RARS2: variants seen among roughly 807,000 people sequenced by gnomAD.
RARS2 encodes arginyl-tRNA synthetase 2, mitochondrial.
A neutral mutation model predicts 88.5 loss-of-function variants in RARS2; 67 were observed. The ratio of observed to expected loss-of-function variants is 0.76; its 90% CI spans 0.62 to 0.93. The LOEUF is 0.93. Ranked by LOEUF, RARS2 falls within the 40% of genes least tolerant of loss-of-function variation. The pLI is 0.00. For missense variants in RARS2, 664 were observed against 684.2 expected (o/e 0.97, Z 0.33); for synonymous variants, 239 against 230.3 (o/e 1.04, Z -0.34).
chr6:87,581,937 C>G (rs1026165725), intron 1 of RARS2, among the ~76,000 whole-genome samples: 5 of 152,154 alleles, frequency 3.3e-5, no homozygotes, highest in African/African-American at 1.2e-4. Flanking sequence ...TGATCTCGTT[C>G]CTTTTTACGG....
At chr6:87,515,496 G>A (rs1460239098) in intron 18 of RARS2, among the ~76,000 whole-genome samples, 1 of 151,262 alleles carries the variant, frequency 6.6e-6, no homozygotes, top group African/African-American at 2.4e-5. Context: ...CTCCAGCCTG[G>A]GCAAGAGTGC....
chr6:87,535,670 T>C (rs1778890123), intron 8 of RARS2, among the ~76,000 whole-genome samples: 1 of 137,972 alleles, frequency 7.2e-6, no homozygotes, highest in Non-Finnish European at 1.5e-5. Flanking sequence ...ATTATGTAAC[T>C]GTTTTGTTTT....
chr6:87,562,311 A>G (rs955912455), intron 4 of RARS2, among the ~76,000 whole-genome samples: 5 of 152,174 alleles, frequency 3.3e-5, no homozygotes, highest in Admixed American at 3.3e-4. Flanking sequence ...ACAGCATGTC[A>G]CTGTACTGAA....
At chr6:87,542,066 A>G (rs1781173952) in intron 7 of RARS2, 72 bp from the exon 8 acceptor site, 7 of 1,201,692 alleles carry the variant, frequency 5.8e-6, no homozygotes, top group African/African-American at 1.5e-5. Context: ...GGGAATAGGT[A>G]TAATTCTATA....
chr6:87,545,050 G>A (rs957959647), intron 7 of RARS2, among the ~76,000 whole-genome samples: 5 of 152,072 alleles, frequency 3.3e-5, no homozygotes, highest in African/African-American at 1.2e-4. Flanking sequence ...ACTAATAAAA[G>A]TAGGCAATTT....
Position 87,518,714 on chromosome 6 carries a change from T to G in RARS2, c.1331A>C (p.Asp444Ala), listed in dbSNP as rs1772676308. 7 of 1,614,028 alleles carry G rather than the reference T, an allele frequency of 4.3e-6. No individual in the cohort carries two copies. The highest frequency in any genetic ancestry group is 5.9e-6 in the Non-Finnish European group (7 of 1,179,934). ...AACACGATCCCAGCTGAACTTGTAG[T>G]CAGATAAGAGTAAACCTTTGAAGTC... ...IQDFKGLLLS[D>A]YKFSWDRVFQ... The change falls in exon 16 of 20, where the codon GAC becomes GCC. Residue 444 changes from aspartate (D) to alanine (A), a missense_variant. Transcript: ENST00000369536.
chr6:87,520,375 A>G (rs1309711221), intron 12 of RARS2, 119 bp from the exon 13 acceptor site: 1 of 773,132 alleles, frequency 1.3e-6, no homozygotes, highest in Non-Finnish European at 2.2e-6. Context: ...GTCAATTGAT[A>G]TGTTTTAACT....
chr6:87,548,534 C>CTAT, intron 6 of RARS2, 57 bp downstream of exon 6: 1 of 1,519,734 alleles, frequency 6.6e-7, no homozygotes, highest in East Asian at 2.3e-5. Context: ...TTAAATTGAA[C>CTAT]TATCAAATAC....
chr6:87,555,210 C>T (rs1312804349), intron 5 of RARS2, among the ~76,000 whole-genome samples, 198 bp downstream of exon 5: 5 of 151,806 alleles, frequency 3.3e-5, no homozygotes, highest in African/African-American at 9.7e-5. Flanking sequence ...AATTATTAGA[C>T]ATTTTTGGAG....
At position 87,530,852 on chromosome 6, in the gene RARS2, C is replaced by T. The variant is rs35862137; in HGVS notation, c.703G>A (p.Val235Met). ...TTTTGCCACAGTGAAAGTGCTTGCA[C>T]ATCGCCCAGTTCCAATCGTTGGAAG... Reference protein sequence around the residue: ...EFFQRLELGDVQALSLWQKFR... With the variant: ...EFFQRLELGDMQALSLWQKFR... Residue 235 changes from valine to methionine, a missense_variant, in exon 9 of 20, where the codon GTG (valine) becomes ATG (methionine). Physicochemically the swap from Val to Met is conservative, Grantham distance 21. Coordinates refer to ENST00000369536, the MANE Select transcript of RARS2 (RefSeq NM_020320.5). The T allele has an allele frequency of 0.042, 67,703 of 1,614,188 alleles. 1,695 individuals are homozygous for T. The highest frequency in any genetic ancestry group is 0.048 in the Non-Finnish European group (56,219 of 1,180,020).
chr6:87,564,554 A>C (rs1767259560), intron 2 of RARS2: 1 of 373,504 alleles, frequency 2.7e-6, no homozygotes, highest in South Asian at 2.2e-5. Flanking sequence ...CTACAATCCC[A>C]GCTGCTTGGG....
At chr6:87,517,006 C>T (rs1771982950) in intron 17 of RARS2, 126 bp from the exon 18 acceptor site, 1 of 1,396,154 alleles carries the variant, frequency 7.2e-7, no homozygotes, top group Non-Finnish European at 9.7e-7. Context: ...TGGCCAGGCG[C>T]AGTGTCTCAC....
chr6:87,569,058 G>A (rs950704928), intron 2 of RARS2, among the ~76,000 whole-genome samples: 4 of 152,034 alleles, frequency 2.6e-5, no homozygotes, highest in Non-Finnish European at 4.4e-5. Context: ...TTCTATCACT[G>A]GGAGTACTCA....
At position 87,529,712 on chromosome 6, in the gene RARS2, G is replaced by T. The variant is rs145155590; in HGVS notation, c.772-64C>A. ...ATTGAATCTCCTATTCTTACCCTAA[G>T]GCAAAATTAAGGATGCTCTACCACC... On this transcript the variant is annotated intron_variant, in intron 9 of 19. Transcript: ENST00000369536. 4.2e-4 allele frequency: 494 copies of T among 1,175,732 alleles called. No individual in the cohort carries two copies. In the African/African-American group the frequency reaches 6.8e-3, roughly 16 times the overall value. The allele number at this position is 1,175,732 out of a possible 1,614,324, so 72.8% of individuals were successfully genotyped here. A position where few individuals can be genotyped will look rare whatever the true frequency, so the allele number is the denominator to read the frequency against.
rs189296981 is a variant in RARS2, at chr6:87,550,695, T to G, written c.396-2049A>C. On this transcript the variant is annotated intron_variant, in intron 5 of 19. Coordinates refer to ENST00000369536, the MANE Select transcript of RARS2 (RefSeq NM_020320.5). ...AGTATTGTATGTACTTATCCCTCAA[T>G]GAAGCCGATTTAAGAAAAAAAAAAA... Among the ~76,000 whole-genome samples the G allele has an allele frequency of 2.6e-3, 350 of 133,254 alleles. 2 individuals are homozygous for G. Among genetic ancestry groups the G allele is most frequent in the Non-Finnish European group, 4.3e-3 (280 of 64,674 alleles). 87.4% of individuals were successfully genotyped at this position (133,254 alleles called of 152,430 possible). A position where few individuals can be genotyped will look rare whatever the true frequency, so the allele number is the denominator to read the frequency against.
intron 14 of RARS2, chr6:87,519,318 G>C (rs1773036139): frequency 9.9e-6 from 4 of 404,158 alleles, no homozygotes; most frequent in Non-Finnish European, 1.4e-5. Context: ...GAAACTTCAC[G>C]TAATCACCTA....
chr6:87,552,120 A>C (rs1784533790), intron 5 of RARS2, among the ~76,000 whole-genome samples: 1 of 152,216 alleles, frequency 6.6e-6, no homozygotes, highest in African/African-American at 2.4e-5. Flanking sequence ...ATCAAGAGTT[A>C]GCTCTGTGAA....
chr6:87,524,338 G>A (rs1227943210), intron 11 of RARS2, among the ~76,000 whole-genome samples: 2 of 152,172 alleles, frequency 1.3e-5, no homozygotes, highest in East Asian at 3.8e-4. Flanking sequence ...ACAGCATAAG[G>A]AAACCCCTGA....
intron 7 of RARS2, among the ~76,000 whole-genome samples, chr6:87,542,517 A>G (rs1373101745): frequency 6.6e-6 from 1 of 152,206 alleles, no homozygotes; most frequent in East Asian, 1.9e-4. Context: ...ACAGCAAGGT[A>G]AAACTTGGAA....
Sources: allele counts gnomAD v4.1 joint callset (sites outside exome capture counted in the v4.1 genomes callset), GRCh38; gene constraint gnomAD v4.1.1; transcripts MANE v1.5; gene names NCBI Gene and HGNC (gene_info 2026-07-23, HGNC 2026-07-21).